The following CELF2 variants were observed in gnomAD, a reference collection of about 807,000 sequenced individuals.
CELF2 encodes CUGBP Elav-like family member 2, also known as CUG triplet repeat RNA-binding protein 2.
CELF2 carries 8 observed loss-of-function variants against 62.6 expected under a neutral mutation model. That is an observed-to-expected ratio of 0.13 (90% CI 0.07 to 0.23). The LOEUF (loss-of-function observed/expected upper bound fraction) is 0.23. Ranked by LOEUF, CELF2 falls within the 10% of genes least tolerant of loss-of-function variation. The pLI is 1.00. For missense variants in CELF2, 333 were observed against 671.0 expected, an observed-to-expected ratio of 0.50 and a Z score of 5.56; for synonymous variants, 258 against 250.0, an observed-to-expected ratio of 1.03 and a Z score of -0.30.
chr10:10,489,878 T>C, the CELF2 span, among the ~76,000 whole-genome samples: 2 of 151,606 alleles, frequency 1.3e-5, no homozygotes, highest in Non-Finnish European at 2.9e-5. Flanking sequence ...ATTTTTAAAT[T>C]AAGAATCTAT....
the CELF2 span, among the ~76,000 whole-genome samples, chr10:10,772,879 AAG>A: frequency 6.6e-6 from 1 of 152,240 alleles, no homozygotes; most frequent in Non-Finnish European, 1.5e-5. Context: ...CAAGATAAGA[AAG>A]AGAATACCAT....
chr10:10,657,291 G>A, the CELF2 span, among the ~76,000 whole-genome samples: 262 of 152,244 alleles, frequency 1.7e-3, no homozygotes, highest in Non-Finnish European at 3.0e-3. Flanking sequence ...TTGTTGCTGG[G>A]TGCTTGTTTT....
intron 2 of CELF2, among the ~76,000 whole-genome samples, chr10:10,971,104 A>G (rs1449828425): frequency 1.3e-5 from 2 of 152,082 alleles, no homozygotes; most frequent in African/African-American, 4.8e-5. Flanking sequence ...TTGGGCTCCC[A>G]TCCCTTTGGA....
the CELF2 span, among the ~76,000 whole-genome samples, chr10:10,735,610 C>A: frequency 2.0e-5 from 3 of 152,156 alleles, no homozygotes; most frequent in Non-Finnish European, 4.4e-5. Context: ...TCAATTTATA[C>A]TGCCAATGAA....
chr10:11,064,322 A>AGCAG (rs2067522953), intron 1 of CELF2, among the ~76,000 whole-genome samples: 1 of 152,208 alleles, frequency 6.6e-6, no homozygotes, highest in South Asian at 2.1e-4. Flanking sequence ...GACTGTTTTC[A>AGCAG]GCAGGCCAGT....
At position 10,983,933 on chromosome 10, in the gene CELF2, G is replaced by A. The variant is rs1190337510; in HGVS notation, c.89+63934G>A. Among the ~76,000 whole-genome samples the A allele has an allele frequency of 6.6e-6, 1 of 152,128 alleles. No individual in the cohort carries two copies. The highest frequency in any genetic ancestry group is 1.5e-5 in the Non-Finnish European group (1 of 68,028). ...GATTTAAAAGACAGCATTGCAATTT[G>A]CATGTAACCTCTGAGTCAACTACTG... On this transcript the variant is annotated intron_variant, in intron 2 of 13. Coordinates refer to the CELF2 transcript ENST00000636488. The surrounding 1 kb of genome is among the most constrained non-coding windows in gnomAD (Gnocchi z 5.2).
In CELF2 at chr10:10,970,194, G is replaced by A. The variant is rs528007335; in HGVS notation, c.89+50195G>A. ...AGCAATTCTTCTGCCTCAGCCTCCCGAATAGCTGGGATTACAGGTGTGCAC... is the reference window on the plus strand; with the variant it reads ...AGCAATTCTTCTGCCTCAGCCTCCCAAATAGCTGGGATTACAGGTGTGCAC... On this transcript the variant is annotated intron_variant, in intron 2 of 13. Transcript: ENST00000636488. Among the ~76,000 whole-genome samples the A allele has an allele frequency of 1.6e-4, 25 of 152,020 alleles. No homozygotes were observed. The East Asian group carries it at 3.3e-3, about 20-fold the overall frequency.
Position 11,321,884 on chromosome 10 carries a change from T to C in CELF2, c.1294+498T>C, listed in dbSNP as rs1190693820. ...CCCAGCTACATCTTCTGAAGGGTTA[T>C]GGCATCTCTGCAGATCTAAGTCCAG... is the stretch of plus-strand genomic sequence containing the variant. On this transcript the variant is annotated intron_variant, in intron 11 of 12. Coordinates refer to ENST00000633077, the MANE Select transcript of CELF2 (RefSeq NM_001326342.2). The surrounding 1 kb of genome is among the most constrained non-coding windows in gnomAD (Gnocchi z 6.2). Among the ~76,000 whole-genome samples, 3 of 152,242 alleles carry C rather than the reference T, an allele frequency of 2.0e-5. No individual in the cohort carries two copies. The highest frequency in any genetic ancestry group is 4.8e-5 in the African/African-American group (2 of 41,464).
the CELF2 span, among the ~76,000 whole-genome samples, chr10:10,554,800 C>T: frequency 1.3e-5 from 2 of 152,200 alleles, no homozygotes; most frequent in Non-Finnish European, 2.9e-5. Context: ...AATTCATTAA[C>T]TCCAGAAATG....
rs780781679 is a variant in CELF2, at chr10:11,207,844, G to C, written c.272-9581G>C. ...TAGATTTCTACAGGATGAGGCGTTCGTATTTGGGTAGCTGCTACTCTAGCT... is the reference window on the plus strand; with the variant it reads ...TAGATTTCTACAGGATGAGGCGTTCCTATTTGGGTAGCTGCTACTCTAGCT... On this transcript the variant is annotated intron_variant, in intron 2 of 12. Coordinates refer to ENST00000633077, the MANE Select transcript of CELF2 (RefSeq NM_001326342.2). This position sits in a 1 kb window ranked among gnomAD's most constrained non-coding sequence, Gnocchi z 4.1. 3.3e-5 allele frequency among the ~76,000 whole-genome samples: 5 copies of C among 152,176 alleles called. No homozygotes were observed. The highest frequency in any genetic ancestry group is 2.6e-4 in the Admixed American group (4 of 15,284).
In CELF2 at chr10:11,268,257, T is replaced by G. The variant is rs2082710137; in HGVS notation, c.618+1580T>G. On this transcript the variant is annotated intron_variant, in intron 6 of 12. Transcript: ENST00000633077. This position sits in a 1 kb window ranked among gnomAD's most constrained non-coding sequence, Gnocchi z 4.7. ...TAAAAAAGAAAACTCTTTACTTGTATTATCTTCCATATACGCGTTTCATTC... is the reference window on the plus strand; with the variant it reads ...TAAAAAAGAAAACTCTTTACTTGTAGTATCTTCCATATACGCGTTTCATTC... Among the ~76,000 whole-genome samples the G allele has an allele frequency of 6.6e-6, 1 of 152,196 alleles. No individual in the cohort carries two copies. Among genetic ancestry groups the G allele is most frequent in the South Asian group, 2.1e-4 (1 of 4,828 alleles).
intron 8 of CELF2, among the ~76,000 whole-genome samples, chr10:11,275,807 C>G (rs994237161): frequency 6.6e-6 from 1 of 152,302 alleles, no homozygotes; most frequent in East Asian, 1.9e-4. Context: ...TCACTCCTGC[C>G]GTGCCACCTT....
At chr10:11,201,596 C>T (rs2059226019) in intron 2 of CELF2, among the ~76,000 whole-genome samples, 2 of 152,178 alleles carry the variant, frequency 1.3e-5, no homozygotes, top group South Asian at 4.1e-4. Context: ...TGTGGTTTCA[C>T]CATGAGCTCT....
chr10:11,036,849 G>A (rs977096575), intron 1 of CELF2, among the ~76,000 whole-genome samples: 2 of 152,176 alleles, frequency 1.3e-5, no homozygotes, highest in African/African-American at 2.4e-5. Flanking sequence ...TGCCTTTGGT[G>A]TATTTGGCAA....
At chr10:11,113,125 G>C (rs1235586449) in intron 1 of CELF2, among the ~76,000 whole-genome samples, 1 of 152,236 alleles carries the variant, frequency 6.6e-6, no homozygotes, top group Admixed American at 6.5e-5. Context: ...ACAATTTTTA[G>C]TTACTGAGTG....
chr10:10,646,849 A>G, the CELF2 span, among the ~76,000 whole-genome samples: 3 of 152,190 alleles, frequency 2.0e-5, no homozygotes, highest in Admixed American at 2.0e-4. Context: ...TTGTGCTAAG[A>G]GAGTGAAGAA....
chr10:10,597,779 T>C, the CELF2 span, among the ~76,000 whole-genome samples: 67,255 of 152,034 alleles, frequency 0.44, 15,463 homozygotes, highest in South Asian at 0.73. Flanking sequence ...TGCAATCTTT[T>C]TCAAGTGCTT....
chr10:11,288,599 G>A (rs1464135992), intron 9 of CELF2, 47 bp downstream of exon 9: 1 of 1,605,058 alleles, frequency 6.2e-7, no homozygotes, highest in East Asian at 2.2e-5. Context: ...CAGCAGGAGT[G>A]GCAGGTAGGT....
At chr10:10,869,360 G>A (rs556269970) in intron 1 of CELF2, among the ~76,000 whole-genome samples, 460 of 152,174 alleles carry the variant, frequency 3.0e-3, no homozygotes, top group African/African-American at 0.011. Context: ...TCAGGAGTTT[G>A]AGACCAGCCT....
Sources: allele counts gnomAD v4.1 joint callset (sites outside exome capture counted in the v4.1 genomes callset), GRCh38; gene constraint gnomAD v4.1.1; non-coding constraint Gnocchi (gnomAD v3.1); transcripts MANE v1.5; gene names NCBI Gene and HGNC (gene_info 2026-07-23, HGNC 2026-07-21).